Variants in GLRA3 observed in about 807,000 individuals in gnomAD.
GLRA3 encodes glycine receptor subunit alpha-3.
GLRA3 carries 44 observed loss-of-function variants against 60.4 expected under a neutral mutation model. The ratio of observed to expected loss-of-function variants is 0.73; its 90% CI spans 0.57 to 0.94. GLRA3 has a LOEUF of 0.94. Ranked by LOEUF, GLRA3 falls within the 40% of genes least tolerant of loss-of-function variation. GLRA3 has a pLI of 0.00. For missense variants in GLRA3, 508 were observed against 564.6 expected, an observed-to-expected ratio of 0.90 and a Z score of 1.02; for synonymous variants, 223 against 192.9, an observed-to-expected ratio of 1.16 and a Z score of -1.29.
intron 7 of GLRA3, among the ~76,000 whole-genome samples, chr4:174,674,587 C>T (rs1467508963): frequency 6.6e-6 from 1 of 152,138 alleles, no homozygotes; most frequent in Admixed American, 6.6e-5. Context: ...TAAGCAATTT[C>T]TGAGCTCTTT....
At chr4:174,708,021 A>G (rs899335412) in intron 5 of GLRA3, among the ~76,000 whole-genome samples, 2 of 152,170 alleles carry the variant, frequency 1.3e-5, no homozygotes, top group African/African-American at 4.8e-5. Context: ...ATTACTGTAT[A>G]GTTTTGTCTT....
chr4:174,723,418 TG>T (rs1736204081), intron 4 of GLRA3, among the ~76,000 whole-genome samples: 1 of 152,108 alleles, frequency 6.6e-6, no homozygotes, highest in South Asian at 2.1e-4. Context: ...TTTTGTTCAA[TG>T]ATCAGGGAAA....
intron 1 of GLRA3, among the ~76,000 whole-genome samples, chr4:174,816,709 T>G (rs1360039744): frequency 2.6e-5 from 4 of 151,770 alleles, no homozygotes; most frequent in Non-Finnish European, 5.9e-5. Context: ...TCACATACTA[T>G]GCTCTCTGAA....
At chr4:174,670,062 A>C (rs917211254) in intron 7 of GLRA3, among the ~76,000 whole-genome samples, 1 of 152,000 alleles carries the variant, frequency 6.6e-6, no homozygotes, top group African/African-American at 2.4e-5. Context: ...TTTTACCATC[A>C]TTTTTTCTGT....
chr4:174,816,271 C>T (rs573265078), intron 1 of GLRA3, among the ~76,000 whole-genome samples: 30 of 152,162 alleles, frequency 2.0e-4, no homozygotes, highest in African/African-American at 6.3e-4. Context: ...CTGGCACAGC[C>T]GGATCCCAAA....
intron 7 of GLRA3, among the ~76,000 whole-genome samples, chr4:174,667,093 G>C (rs1212919348): frequency 6.6e-6 from 1 of 152,092 alleles, no homozygotes; most frequent in African/African-American, 2.4e-5. Context: ...TAACACAGCA[G>C]CAGAGGAAAA....
chr4:174,687,194 AC>A (rs1463801540), intron 5 of GLRA3, among the ~76,000 whole-genome samples: 1 of 152,200 alleles, frequency 6.6e-6, no homozygotes, highest in Non-Finnish European at 1.5e-5. Context: ...TGCAGCAAAA[AC>A]AATCCCATTT....
intron 8 of GLRA3, 27 bp from the exon 9 acceptor site, chr4:174,656,814 G>A: frequency 7.0e-7 from 1 of 1,421,422 alleles, no homozygotes; most frequent in Non-Finnish European, 9.9e-7. Flanking sequence ...TGGACCAAGA[G>A]GAATTGAGAA....
At chr4:174,675,642 T>C (rs1734089944) in intron 7 of GLRA3, among the ~76,000 whole-genome samples, 1 of 152,162 alleles carries the variant, frequency 6.6e-6, no homozygotes, top group South Asian at 2.1e-4. Context: ...TAAATAAGCA[T>C]TGAGTATTAT....
intron 1 of GLRA3, among the ~76,000 whole-genome samples, chr4:174,811,181 G>A (rs1052287510): frequency 9.5e-5 from 13 of 136,158 alleles, no homozygotes; most frequent in African/African-American, 3.2e-4. Flanking sequence ...GTACTTCCCC[G>A]CCTGTTTTTT....
chr4:174,682,176 G>C (rs895936215), intron 6 of GLRA3, among the ~76,000 whole-genome samples: 1 of 152,108 alleles, frequency 6.6e-6, no homozygotes, highest in Non-Finnish European at 1.5e-5. Context: ...CTAACTGTAT[G>C]TATACATTCT....
chr4:174,651,816 A>C (rs1733029388), intron 9 of GLRA3, among the ~76,000 whole-genome samples: 1 of 152,140 alleles, frequency 6.6e-6, no homozygotes, highest in Non-Finnish European at 1.5e-5. Context: ...TTGTGTTTTA[A>C]ATGTGTTCCA....
chr4:174,798,084 T>C (rs566946976), intron 1 of GLRA3, among the ~76,000 whole-genome samples: 1 of 152,304 alleles, frequency 6.6e-6, no homozygotes, highest in Non-Finnish European at 1.5e-5. Flanking sequence ...ATACGAAAGT[T>C]GAAGGTGAGA....
chr4:174,814,309 G>A (rs749754434), intron 1 of GLRA3, among the ~76,000 whole-genome samples: 1 of 152,130 alleles, frequency 6.6e-6, no homozygotes, highest in Non-Finnish European at 1.5e-5. Context: ...TCAGCAGGAT[G>A]CGGAGCTGGA....
chr4:174,771,762 T>C (rs1738397444), intron 2 of GLRA3, among the ~76,000 whole-genome samples: 1 of 152,144 alleles, frequency 6.6e-6, no homozygotes, highest in Non-Finnish European at 1.5e-5. Context: ...GGGGTCTTTA[T>C]TTCTTGGATT....
intron 9 of GLRA3, among the ~76,000 whole-genome samples, chr4:174,647,967 T>C (rs1032253259): frequency 1.3e-5 from 2 of 152,184 alleles, no homozygotes; most frequent in African/African-American, 4.8e-5. Context: ...GTAGCAGTTC[T>C]CTAGGGAATC....
In GLRA3 at chr4:174,642,876, A is replaced by AT. The variant is rs57755967; in HGVS notation, c.*909dup. ...AATGTAAATACTTTAATCCCATTGA[A>AT]TTTTAAAGTCACATTCTAAACTAAA... is the stretch of plus-strand genomic sequence containing the variant. On this transcript the variant is annotated 3_prime_UTR_variant, in exon 10 of 10. Coordinates refer to ENST00000274093, the MANE Select transcript of GLRA3 (RefSeq NM_006529.4). 45,003 of 716,788 alleles carry AT rather than the reference A, an allele frequency of 0.063. 1,847 individuals carry two copies. Among genetic ancestry groups the AT allele is most frequent in the African/African-American group, 0.16 (8,246 of 51,702 alleles). 44.4% of individuals were successfully genotyped at this position (716,788 alleles called of 1,614,324 possible).
At chr4:174,810,070 A>T (rs938164443) in intron 1 of GLRA3, among the ~76,000 whole-genome samples, 1 of 152,104 alleles carries the variant, frequency 6.6e-6, no homozygotes, top group Non-Finnish European at 1.5e-5. Context: ...CTGTCTGAGG[A>T]CTCTGGATTC....
chr4:174,764,286 A>C (rs1738052585), intron 3 of GLRA3, among the ~76,000 whole-genome samples: 2 of 152,134 alleles, frequency 1.3e-5, no homozygotes, highest in Non-Finnish European at 1.5e-5. Context: ...AGTGAGACAT[A>C]CCAGTTATAG....
Sources: allele counts gnomAD v4.1 joint callset (sites outside exome capture counted in the v4.1 genomes callset), GRCh38; gene constraint gnomAD v4.1.1; transcripts MANE v1.5; gene names NCBI Gene and HGNC (gene_info 2026-07-23, HGNC 2026-07-21).